The following COL4A2 variants were observed in gnomAD, a reference collection of about 807,000 sequenced individuals.
COL4A2 encodes the protein collagen type IV alpha 2 chain, also known as collagen alpha-2(IV) chain.
In COL4A2, 99 loss-of-function variants were observed where a neutral mutation model predicts 200.2. That is an observed-to-expected ratio of 0.49 (90% confidence interval 0.42 to 0.58). The LOEUF (loss-of-function observed/expected upper bound fraction) is 0.58. Ranked by LOEUF, COL4A2 falls within the 20% of genes least tolerant of loss-of-function variation. The pLI is 0.00. For missense variants in COL4A2, 1,950 were observed against 2,314.1 expected, an observed-to-expected ratio of 0.84 and a Z score of 3.23; for synonymous variants, 897 against 900.6, an observed-to-expected ratio of 1.00 and a Z score of 0.07.
intron 21 of COL4A2, among the ~76,000 whole-genome samples, chr13:110,457,921 G>A (rs1881840003): frequency 6.6e-6 from 1 of 152,104 alleles, no homozygotes; most frequent in Admixed American, 6.5e-5. Flanking sequence ...ATGAGGAGGC[G>A]AACTTGGAAC....
At chr13:110,339,672 G>T (rs1036391473) in intron 3 of COL4A2, among the ~76,000 whole-genome samples, 3 of 152,160 alleles carry the variant, frequency 2.0e-5, no homozygotes, top group African/African-American at 7.2e-5. Context: ...ATCTTTTCCA[G>T]TTCTGGAAAT....
chr13:110,508,048 A>G lies in COL4A2; in HGVS notation c.4708A>G (p.Thr1570Ala). 8.1e-6 allele frequency: 13 copies of G among 1,614,076 alleles called. No individual in the cohort carries two copies. Among genetic ancestry groups the G allele is most frequent in the Non-Finnish European group, 1.1e-5 (13 of 1,180,016 alleles). ...RNDKSYWLSTTAPLPMMPVAE... is the reference protein window; with the variant it reads ...RNDKSYWLSTAAPLPMMPVAE... ...CGACAAGTCCTACTGGCTCTCTACC[A>G]CTGCGCCGCTGCCCATGATGCCCGT... The change falls in exon 47 of 48, where the codon ACT becomes GCT. Residue 1570 changes from threonine (T) to alanine (A), a missense_variant. Physicochemically the swap from Thr to Ala is moderately conservative, Grantham distance 58. Around this residue, in one of 2 missense-constraint regions of COL4A2, gnomAD observed 1,385 missense variants for 1,720.5 expected, o/e 0.80. Coordinates refer to ENST00000360467, the MANE Select transcript of COL4A2 (RefSeq NM_001846.4). This position sits in a 1 kb window ranked among gnomAD's most constrained non-coding sequence, Gnocchi z 6.1.
chr13:110,378,221 C>G (rs1028106818), intron 4 of COL4A2, among the ~76,000 whole-genome samples: 4 of 152,210 alleles, frequency 2.6e-5, no homozygotes, highest in Non-Finnish European at 2.9e-5. Context: ...TCCCTTTATT[C>G]AAGGTCTTCA....
Position 110,308,144 on chromosome 13 carries a change from T to C in COL4A2, c.99+21T>C. 3 of 1,612,962 alleles carry C rather than the reference T, an allele frequency of 1.9e-6. 1 individual carries two copies. In the Middle Eastern group the frequency reaches 5.0e-4, roughly 266 times the overall value. On this transcript the variant is annotated intron_variant, in intron 3 of 47. Transcript: ENST00000360467. ...TGGCGGTAAGTCCTGGCTCCCGCGC[T>C]TGGACTTGCGCGCCCGAGAGTGGTT... is the stretch of plus-strand genomic sequence containing the variant.
At position 110,380,861 on chromosome 13, in the gene COL4A2, C is replaced by T. The variant is rs149266840; in HGVS notation, c.180+23309C>T. 2.0e-4 allele frequency among the ~76,000 whole-genome samples: 30 copies of T among 151,100 alleles called. No homozygotes were observed. The East Asian group carries it at 5.9e-3, about 30-fold the overall frequency. ...CACAACCACAGAGCTCTATCTCACA[C>T]CCACGGGCTCTGTCTCACACCCACG... On this transcript the variant is annotated intron_variant, in intron 4 of 47. Coordinates refer to ENST00000360467, the MANE Select transcript of COL4A2 (RefSeq NM_001846.4).
At chr13:110,498,568 T>C (rs752615) in intron 40 of COL4A2, among the ~76,000 whole-genome samples, 10,444 of 152,260 alleles carry the variant, frequency 0.069, 509 homozygotes, top group South Asian at 0.2. Context: ...GCCCTGTACT[T>C]GACCACAAAA....
At chr13:110,491,364 GC>G in intron 37 of COL4A2, 24 bp downstream of exon 37, 1 of 1,493,388 alleles carries the variant, frequency 6.7e-7, no homozygotes, top group African/African-American at 1.4e-5. Context: ...CAGCCACACA[GC>G]CTTCCTCAGG....
intron 3 of COL4A2, among the ~76,000 whole-genome samples, chr13:110,326,456 G>A (rs990628095): frequency 2.0e-5 from 3 of 152,088 alleles, no homozygotes; most frequent in Admixed American, 1.3e-4. Context: ...CCTGAGTCAC[G>A]GCGTCTTGGC....
intron 4 of COL4A2, among the ~76,000 whole-genome samples, chr13:110,362,686 GGGAA>G (rs1229704813): frequency 6.6e-6 from 1 of 152,074 alleles, no homozygotes; most frequent in African/African-American, 2.4e-5. Flanking sequence ...GCAGTTGAAT[GGGAA>G]GCATCAAAGT....
intron 22 of COL4A2, 144 bp downstream of exon 22, chr13:110,459,078 A>C: frequency 2.6e-6 from 2 of 773,920 alleles, no homozygotes; most frequent in Non-Finnish European, 1.9e-6. Context: ...CATTCTAAAA[A>C]CCCACATACC....
rs560373970 is a variant in COL4A2, at chr13:110,449,552, A to C, written c.1079-127A>C. On this transcript the variant is annotated intron_variant, in intron 18 of 47. Coordinates refer to ENST00000360467, the MANE Select transcript of COL4A2 (RefSeq NM_001846.4). The stretch of plus-strand genomic sequence containing the variant: ...ACCACCCCATGTATTAATCATCTTA[A>C]CTCCTCATCAGGCCGCATACAGCAT... The C allele has an allele frequency of 4.1e-5, 34 of 837,268 alleles. No homozygotes were observed. In the South Asian group the frequency reaches 6.3e-4, roughly 16 times the overall value. The allele number at this position is 837,268 out of a possible 1,614,324, so 51.9% of individuals were successfully genotyped here.
intron 3 of COL4A2, among the ~76,000 whole-genome samples, chr13:110,317,282 G>GCA (rs763814866): frequency 2.7e-5 from 4 of 150,032 alleles, no homozygotes; most frequent in Non-Finnish European, 1.5e-5. Flanking sequence ...ACACACAGAT[G>GCA]CACACACACA....
intron 26 of COL4A2, 142 bp downstream of exon 26, chr13:110,466,204 G>C: frequency 2.3e-6 from 2 of 879,224 alleles, no homozygotes; most frequent in Non-Finnish European, 3.4e-6. Context: ...CAACATAGTG[G>C]CCTGGTGAGC....
At position 110,503,914 on chromosome 13, in the gene COL4A2, G is replaced by A. The variant is rs200529706; in HGVS notation, c.4206G>A (p.Gly1402=). 3.3e-5 allele frequency: 53 copies of A among 1,612,200 alleles called. No homozygotes were observed. The highest frequency in any genetic ancestry group is 3.7e-5 in the Non-Finnish European group (44 of 1,178,748). Residue 1402 remains glycine (G), a synonymous_variant, in exon 44 of 48, where the codon GGG becomes GGA. Coordinates refer to ENST00000360467, the MANE Select transcript of COL4A2 (RefSeq NM_001846.4). ...CCCAGAAGATTGCCGTCCAACCAGG[G>A]ACAGTGGGTCCCCAGGGGAGGCGAG... ...GIPQKIAVQP[G]TVGPQGRRGP...
chr13:110,436,134 C>A, intron 12 of COL4A2, 135 bp from the exon 13 acceptor site: 1 of 1,283,062 alleles, frequency 7.8e-7, no homozygotes, highest in Non-Finnish European at 1.1e-6. Flanking sequence ...GGTTATTATA[C>A]TGTAAATAGG....
At chr13:110,370,754 C>T (rs9559782) in intron 4 of COL4A2, among the ~76,000 whole-genome samples, 40,846 of 152,076 alleles carry the variant, frequency 0.27, 6,027 homozygotes, top group Admixed American at 0.33. Context: ...TTCCTCTCTC[C>T]CTCTCTCCTA....
intron 4 of COL4A2, among the ~76,000 whole-genome samples, chr13:110,381,303 C>A (rs1170918940): frequency 1.3e-5 from 2 of 152,216 alleles, no homozygotes; most frequent in Admixed American, 1.3e-4. Flanking sequence ...TATGTCACAC[C>A]CACCGGCTCT....
In COL4A2 at chr13:110,385,432, T is replaced by TGTGTGGATAG. The variant is rs1357995177; in HGVS notation, c.180+27881_180+27882insTGTGGATAGG. Among the ~76,000 whole-genome samples, 313 of 79,744 alleles carry TGTGTGGATAG rather than the reference T, an allele frequency of 3.9e-3. 40 individuals are homozygous for TGTGTGGATAG. Among genetic ancestry groups the TGTGTGGATAG allele is most frequent in the East Asian group, 0.014 (32 of 2,318 alleles). 52.3% of individuals were successfully genotyped at this position (79,744 alleles called of 152,430 possible). ...GTGTGTGGATAGACTGTGGTTACAG[T>TGTGTGGATAG]GCCTGGATAGACCGTGGCTGCAGTG... On this transcript the variant is annotated intron_variant, in intron 4 of 47. Coordinates refer to ENST00000360467, the MANE Select transcript of COL4A2 (RefSeq NM_001846.4).
intron 16 of COL4A2, among the ~76,000 whole-genome samples, chr13:110,442,472 C>G (rs565449484): frequency 3.9e-5 from 6 of 152,210 alleles, no homozygotes; most frequent in South Asian, 2.1e-4. Flanking sequence ...TTCATTTGTT[C>G]CCCACCCAAC....
Sources: gnomAD v4.1 joint callset for allele counts (sites outside exome capture counted in the v4.1 genomes callset) on GRCh38, gnomAD v4.1.1 for gene constraint, gnomAD v4.1.1 regional missense constraint, Gnocchi (gnomAD v3.1) non-coding constraint, MANE v1.5 for transcripts, NCBI Gene and HGNC (gene_info 2026-07-23, HGNC 2026-07-21) for gene names.